Variants in MELK observed in about 807,000 individuals in gnomAD.
The protein encoded by MELK is maternal embryonic leucine zipper kinase, also known as pEg3 kinase.
A neutral mutation model predicts 85.0 loss-of-function variants in MELK; 81 were observed. The observed-to-expected ratio is 0.95, with a 90% CI of 0.80 to 1.15. The LOEUF (loss-of-function observed/expected upper bound fraction) is 1.15. Ranked by LOEUF, MELK falls within the 50% of genes most tolerant of loss-of-function variation. MELK has a pLI of 0.00. For synonymous variants in MELK, 252 were observed against 265.0 expected (o/e 0.95, Z 0.48); for missense variants, 754 against 777.5 (o/e 0.97, Z 0.36).
At chr9:36,610,730 G>A (rs969682733) in intron 8 of MELK, among the ~76,000 whole-genome samples, 1 of 152,220 alleles carries the variant, frequency 6.6e-6, no homozygotes, top group Admixed American at 6.5e-5. Context: ...AGGATACAGG[G>A]GAGAGTAGGG....
At chr9:36,636,753 TTTC>T in intron 10 of MELK, among the ~76,000 whole-genome samples, 1 of 104,558 alleles carries the variant, frequency 9.6e-6, no homozygotes, top group South Asian at 3.0e-4. Context: ...TCTTTCTTTC[TTTC>T]TTTCTTTCTT....
chr9:36,577,102 G>T (rs1821737745), intron 1 of MELK, among the ~76,000 whole-genome samples: 1 of 152,114 alleles, frequency 6.6e-6, no homozygotes, highest in African/African-American at 2.4e-5. Context: ...CAAATTCATG[G>T]CCATTATTAA....
At chr9:36,636,186 A>T (rs559188954) in intron 10 of MELK, among the ~76,000 whole-genome samples, 4 of 152,084 alleles carry the variant, frequency 2.6e-5, no homozygotes, top group Admixed American at 2.6e-4. Flanking sequence ...TGCATTAAAA[A>T]CTACCCTGAA....
intron 9 of MELK, among the ~76,000 whole-genome samples, chr9:36,632,254 G>A (rs1828710630): frequency 6.6e-6 from 1 of 152,170 alleles, no homozygotes; most frequent in South Asian, 2.1e-4. Context: ...TTATTGGAAT[G>A]AGCCTCTGAG....
intron 7 of MELK, chr9:36,606,732 T>C (rs898598417): frequency 7.4e-5 from 11 of 147,896 alleles, no homozygotes; most frequent in Non-Finnish European, 1.3e-4. Context: ...CATATATATG[T>C]ACATATATAC....
At chr9:36,603,837 G>GA (rs773915182) in intron 7 of MELK, among the ~76,000 whole-genome samples, 29 of 152,248 alleles carry the variant, frequency 1.9e-4, no homozygotes, top group Non-Finnish European at 3.1e-4. Context: ...TCAGTTAACT[G>GA]AAAAATGCTT....
chr9:36,598,964 G>C (rs1378246262), intron 6 of MELK, among the ~76,000 whole-genome samples: 1 of 152,112 alleles, frequency 6.6e-6, no homozygotes. Context: ...ATTATGTGGG[G>C]TGGTTTTTCA....
intron 1 of MELK, among the ~76,000 whole-genome samples, chr9:36,581,300 G>A (rs1009949034): frequency 4.0e-5 from 6 of 151,896 alleles, no homozygotes; most frequent in African/African-American, 1.2e-4. Flanking sequence ...GACAACACAC[G>A]CACCACTGTG....
intron 1 of MELK, among the ~76,000 whole-genome samples, chr9:36,579,840 C>T (rs1364972088): frequency 6.6e-6 from 1 of 151,994 alleles, no homozygotes; most frequent in Admixed American, 6.6e-5. Context: ...CTCAGGGAGA[C>T]AAAATCAATA....
At chr9:36,614,176 A>G (rs1360476136) in intron 8 of MELK, among the ~76,000 whole-genome samples, 3 of 151,152 alleles carry the variant, frequency 2.0e-5, no homozygotes, top group Admixed American at 1.3e-4. Context: ...GCTCACTGCA[A>G]CCTCCGCCTC....
chr9:36,657,161 G>T (rs779343180), intron 12 of MELK, 80 bp from the exon 13 acceptor site: 4 of 1,444,454 alleles, frequency 2.8e-6, no homozygotes, highest in Non-Finnish European at 2.8e-6. Flanking sequence ...TGTCTCTGTC[G>T]TTAAGTGACG....
At chr9:36,660,568 C>T (rs1831704936) in intron 13 of MELK, among the ~76,000 whole-genome samples, 4 of 151,242 alleles carry the variant, frequency 2.6e-5, no homozygotes, top group African/African-American at 7.3e-5. Context: ...GAGATCCACC[C>T]GCGTTGGCCT....
intron 11 of MELK, among the ~76,000 whole-genome samples, chr9:36,646,851 T>G (rs1830260723): frequency 6.6e-6 from 1 of 152,226 alleles, no homozygotes; most frequent in African/African-American, 2.4e-5. Flanking sequence ...CCAGGACACC[T>G]CTTTAACATT....
chr9:36,665,336 CTT>C lies in MELK; in HGVS notation c.1177-6_1177-5del, dbSNP rs200881299. On this transcript the variant is annotated splice_polypyrimidine_tract_variant and intron_variant, in intron 13 of 17. Transcript: ENST00000298048. ...TTCTTCAGTGTGCTTTATCTAGTAA[CTT>C]TTTTTTTCCAGTTTACCAAGTACTG... The C allele has an allele frequency of 2.6e-6, 4 of 1,529,088 alleles. No individual in the cohort carries two copies. Among genetic ancestry groups the C allele is most frequent in the South Asian group, 1.2e-5 (1 of 83,790 alleles). 94.7% of individuals were successfully genotyped at this position (1,529,088 alleles called of 1,614,324 possible). A position where few individuals can be genotyped will look rare whatever the true frequency, so the allele number is the denominator to read the frequency against.
chr9:36,629,549 A>G (rs1239573513), intron 8 of MELK, among the ~76,000 whole-genome samples: 11 of 152,108 alleles, frequency 7.2e-5, no homozygotes, highest in Non-Finnish European at 1.6e-4. Context: ...TGTTTTGTGG[A>G]TGACCTGTTT....
chr9:36,589,328 T>G (rs1244687014), intron 3 of MELK, among the ~76,000 whole-genome samples: 1 of 152,038 alleles, frequency 6.6e-6, no homozygotes, highest in Non-Finnish European at 1.5e-5. Context: ...TTTTTGTAGT[T>G]TTAGTGAGAC....
intron 8 of MELK, among the ~76,000 whole-genome samples, chr9:36,614,099 CTTTT>C (rs112322490): frequency 7.2e-6 from 1 of 139,712 alleles, no homozygotes. Flanking sequence ...TACTAGATGT[CTTTT>C]TTTTTTTTTT....
rs894514408 is a variant in MELK at position 36,632,659 on chromosome 9, A to C, written c.736-443A>C. Among the ~76,000 whole-genome samples, 4 of 152,346 alleles carry C rather than the reference A, an allele frequency of 2.6e-5. No homozygotes were observed. In the East Asian group the frequency reaches 7.7e-4, roughly 29 times the overall value. ...TTAATTTTTCTCTCCTTACATTTGA[A>C]AATTACAAATGGAAAGGTGTGCTTT... is the stretch of plus-strand genomic sequence containing the variant. On this transcript the variant is annotated intron_variant, in intron 9 of 17. Coordinates refer to ENST00000298048, the MANE Select transcript of MELK (RefSeq NM_014791.4).
chr9:36,657,565 C>T (rs560584942), intron 13 of MELK, among the ~76,000 whole-genome samples: 1 of 152,238 alleles, frequency 6.6e-6, no homozygotes, highest in African/African-American at 2.4e-5. Flanking sequence ...TATTTTAGAG[C>T]TCTTTACTGC....
Sources: allele counts gnomAD v4.1 joint callset (sites outside exome capture counted in the v4.1 genomes callset), GRCh38; gene constraint gnomAD v4.1.1; transcripts MANE v1.5; gene names NCBI Gene and HGNC (gene_info 2026-07-23, HGNC 2026-07-21).